The following PXDNL variants were observed in gnomAD, a reference collection of about 807,000 sequenced individuals.
PXDNL encodes the protein peroxidasin like.
PXDNL carries 145 observed loss-of-function variants against 150.8 expected under a neutral mutation model. The ratio of observed to expected loss-of-function variants is 0.96; its 90% confidence interval spans 0.84 to 1.10. The LOEUF is 1.10. PXDNL is among the 50% of genes least tolerant of loss of function. The pLI is 0.00. For synonymous variants in PXDNL, 757 were observed against 725.7 expected (o/e 1.04, Z -0.69); for missense variants, 2,087 against 1,873.9 (o/e 1.11, Z -2.10).
chr8:51,685,405 C>G (rs137951618), intron 1 of PXDNL, among the ~76,000 whole-genome samples: 1 of 152,194 alleles, frequency 6.6e-6, no homozygotes, highest in African/African-American at 2.4e-5. Flanking sequence ...CTATGGCAAC[C>G]AAAATCATAG....
At chr8:51,498,338 G>T (rs1292125793) in intron 5 of PXDNL, among the ~76,000 whole-genome samples, 1 of 151,438 alleles carries the variant, frequency 6.6e-6, no homozygotes, top group Non-Finnish European at 1.5e-5. Flanking sequence ...GTTAAATAAT[G>T]ACTTAATGGG....
intron 1 of PXDNL, among the ~76,000 whole-genome samples, chr8:51,760,095 A>T (rs1279964491): frequency 6.6e-6 from 1 of 152,240 alleles, no homozygotes; most frequent in Non-Finnish European, 1.5e-5. Context: ...ATAAACAAAA[A>T]TGTATTTTCA....
intron 5 of PXDNL, among the ~76,000 whole-genome samples, chr8:51,495,835 A>G (rs1298440459): frequency 5.3e-5 from 8 of 152,192 alleles, no homozygotes; most frequent in Non-Finnish European, 1.0e-4. Flanking sequence ...AGTCACAGCC[A>G]AATTCTACCA....
Position 51,453,581 on chromosome 8 carries a change from A to T in PXDNL, c.1187T>A (p.Phe396Tyr), listed in dbSNP as rs781752859. The change falls in exon 10 of 23, where the codon TTT becomes TAT. Residue 396 changes from phenylalanine to tyrosine, a missense_variant. By Grantham distance (22) the Phe-to-Tyr change is conservative (BLOSUM62 3). Coordinates refer to ENST00000356297, the MANE Select transcript of PXDNL (RefSeq NM_144651.5). ...GTGGCTATTGTTGGCATGACAGGTA[A>T]ATCGACCATGATCCCGTTGTGTGAT... Reference protein sequence around the residue: ...QNITQRDHGRFTCHANNSHGT... With the variant: ...QNITQRDHGRYTCHANNSHGT... 19 of 1,613,914 alleles carry T rather than the reference A, an allele frequency of 1.2e-5. No individual in the cohort carries two copies. Among genetic ancestry groups the T allele is most frequent in the East Asian group, 1.1e-4 (5 of 44,890 alleles).
chr8:51,533,883 T>C (rs1448941602), intron 4 of PXDNL, among the ~76,000 whole-genome samples: 4 of 150,862 alleles, frequency 2.7e-5, no homozygotes, highest in Middle Eastern at 3.4e-3. Flanking sequence ...AGTGCCAAGA[T>C]TGCAGCCTCT....
intron 1 of PXDNL, among the ~76,000 whole-genome samples, chr8:51,774,588 G>C (rs981694516): frequency 6.6e-6 from 1 of 152,158 alleles, no homozygotes; most frequent in Non-Finnish European, 1.5e-5. Context: ...GGAGGCTGAG[G>C]CGGGTGGATC....
chr8:51,623,163 T>A (rs1309957313), intron 2 of PXDNL, among the ~76,000 whole-genome samples: 3 of 152,218 alleles, frequency 2.0e-5, no homozygotes, highest in Non-Finnish European at 2.9e-5. Context: ...TCTCTCTGGC[T>A]ACAGCCCCTA....
At chr8:51,594,636 T>C (rs1183167709) in intron 2 of PXDNL, among the ~76,000 whole-genome samples, 1 of 152,212 alleles carries the variant, frequency 6.6e-6, no homozygotes, top group Non-Finnish European at 1.5e-5. Flanking sequence ...AATTTTTTTA[T>C]TGCTGACAAG....
intron 8 of PXDNL, among the ~76,000 whole-genome samples, chr8:51,461,301 C>T (rs912193075): frequency 6.6e-5 from 10 of 152,204 alleles, no homozygotes; most frequent in Admixed American, 1.3e-4. Flanking sequence ...TGTGCTTCCC[C>T]GCCACAGGGC....
intron 17 of PXDNL, 93 bp from the exon 18 acceptor site, chr8:51,374,824 C>T: frequency 7.1e-7 from 1 of 1,415,324 alleles, no homozygotes. Flanking sequence ...ATTATTTTAT[C>T]CACACAAAAA....
At chr8:51,323,311 G>T (rs758291635) in intron 21 of PXDNL, among the ~76,000 whole-genome samples, 1 of 151,974 alleles carries the variant, frequency 6.6e-6, no homozygotes. Context: ...AGACAGTCTC[G>T]CTCTGTCACC....
chr8:51,510,323 C>T (rs185915010), intron 4 of PXDNL, among the ~76,000 whole-genome samples: 8 of 152,268 alleles, frequency 5.3e-5, no homozygotes, highest in African/African-American at 1.9e-4. Flanking sequence ...TAGAAGATCA[C>T]GCTAAGACTT....
chr8:51,623,434 C>T (rs1177746795), intron 2 of PXDNL, among the ~76,000 whole-genome samples: 1 of 152,234 alleles, frequency 6.6e-6, no homozygotes, highest in Non-Finnish European at 1.5e-5. Flanking sequence ...TAAGTCTTCC[C>T]TATTCTGTTG....
At chr8:51,436,395 G>A in intron 12 of PXDNL, 1 of 418,500 alleles carries the variant, frequency 2.4e-6, no homozygotes, top group Non-Finnish European at 4.9e-6. Context: ...CACCAAAAAT[G>A]CATTGCCATG....
chr8:51,487,619 C>G (rs1240085221), intron 5 of PXDNL, among the ~76,000 whole-genome samples: 1 of 152,132 alleles, frequency 6.6e-6, no homozygotes, highest in Non-Finnish European at 1.5e-5. Context: ...CATTTTAAAC[C>G]ACATGGCTCC....
intron 1 of PXDNL, among the ~76,000 whole-genome samples, chr8:51,750,867 G>C (rs547649932): frequency 6.6e-6 from 1 of 152,288 alleles, no homozygotes; most frequent in African/African-American, 2.4e-5. Flanking sequence ...TGGGGGCCTT[G>C]CCATGTATCC....
At chr8:51,686,635 A>C (rs1332717863) in intron 1 of PXDNL, among the ~76,000 whole-genome samples, 1 of 152,192 alleles carries the variant, frequency 6.6e-6, no homozygotes, top group Non-Finnish European at 1.5e-5. Context: ...TAATGGAAAA[A>C]AGTTAAATCC....
At chr8:51,335,811 C>A (rs1805818662) in intron 21 of PXDNL, among the ~76,000 whole-genome samples, 1 of 151,734 alleles carries the variant, frequency 6.6e-6, no homozygotes, top group South Asian at 2.1e-4. Flanking sequence ...TCTAGTTATT[C>A]CCACAATAAT....
In PXDNL at chr8:51,729,555, C is replaced by T. The variant is rs115936730; in HGVS notation, c.165-74795G>A. Among the ~76,000 whole-genome samples, 549 of 152,258 alleles carry T rather than the reference C, an allele frequency of 3.6e-3. 5 individuals carry two copies. The highest frequency in any genetic ancestry group is 0.013 in the African/African-American group (521 of 41,574). On this transcript the variant is annotated intron_variant, in intron 1 of 22. Transcript: ENST00000356297. ...CTCTTATTGGTTGCTGGTGGGAATG[C>T]AAAACAGTAGAGCCACTTTGGGAAA...
Sources: gnomAD v4.1 joint callset for allele counts (sites outside exome capture counted in the v4.1 genomes callset) on GRCh38, gnomAD v4.1.1 for gene constraint, MANE v1.5 for transcripts, NCBI Gene and HGNC (gene_info 2026-07-23, HGNC 2026-07-21) for gene names.